Variants in STXBP6 observed in about 807,000 individuals in gnomAD.
STXBP6 encodes syntaxin binding protein 6, also known as syntaxin-binding protein 6.
A neutral mutation model predicts 26.9 loss-of-function variants in STXBP6; 21 were observed. The observed-to-expected ratio is 0.78, with a 90% CI of 0.55 to 1.12. The LOEUF is 1.12. STXBP6 is among the 50% of genes most tolerant of loss of function. The pLI is 0.00. For missense variants in STXBP6, 232 were observed against 257.9 expected, an observed-to-expected ratio of 0.90 and a Z score of 0.69; for synonymous variants, 97 against 92.6, an observed-to-expected ratio of 1.05 and a Z score of -0.27.
At chr14:24,894,125 G>C (rs1004742909) in intron 2 of STXBP6, among the ~76,000 whole-genome samples, 2 of 152,150 alleles carry the variant, frequency 1.3e-5, no homozygotes, top group Admixed American at 1.3e-4. Flanking sequence ...AATTCAGCTT[G>C]CATTTTAGAA....
chr14:24,898,713 G>A (rs2071092489), intron 2 of STXBP6, among the ~76,000 whole-genome samples: 1 of 152,052 alleles, frequency 6.6e-6, no homozygotes, highest in South Asian at 2.1e-4. Context: ...GAAATGGCAA[G>A]GGATTTAGGT....
chr14:24,898,977 T>C (rs1190135603), intron 2 of STXBP6, among the ~76,000 whole-genome samples: 1 of 152,126 alleles, frequency 6.6e-6, no homozygotes, highest in African/African-American at 2.4e-5. Context: ...CCATTGCTGA[T>C]CAGCTTGGCC....
chr14:24,954,759 A>C (rs2073285420), intron 2 of STXBP6, among the ~76,000 whole-genome samples: 1 of 152,230 alleles, frequency 6.6e-6, no homozygotes, highest in Non-Finnish European at 1.5e-5. Context: ...AATTAGCAAC[A>C]GTCCCCCCTT....
At chr14:24,834,340 G>C (rs1202584365) in intron 4 of STXBP6, among the ~76,000 whole-genome samples, 1 of 152,040 alleles carries the variant, frequency 6.6e-6, no homozygotes, top group Non-Finnish European at 1.5e-5. Context: ...CAACTTACAG[G>C]TTCAAATTTT....
intron 1 of STXBP6, among the ~76,000 whole-genome samples, chr14:24,994,442 T>A (rs918952376): frequency 2.6e-5 from 4 of 152,172 alleles, no homozygotes; most frequent in African/African-American, 9.7e-5. Flanking sequence ...CAAACCACTC[T>A]GAATTTCCTT....
rs917859338 is a variant in STXBP6 at position 24,987,070 on chromosome 14, GA to G, written c.-32-12221del. Among the ~76,000 whole-genome samples the G allele has an allele frequency of 4.0e-5, 6 of 150,912 alleles. No homozygotes were observed. In the East Asian group the frequency reaches 5.8e-4, roughly 15 times the overall value. ...TAGCTGTGCAGTGTTTGATAGGAAG[GA>G]AAAAAAAATCTATCAATTGAATACT... On this transcript the variant is annotated intron_variant, in intron 1 of 5. Coordinates refer to ENST00000323944, the MANE Select transcript of STXBP6 (RefSeq NM_001394410.1).
At chr14:24,947,394 G>A (rs1439288174) in intron 2 of STXBP6, among the ~76,000 whole-genome samples, 1 of 152,186 alleles carries the variant, frequency 6.6e-6, no homozygotes, top group Non-Finnish European at 1.5e-5. Flanking sequence ...AGACGGCGAT[G>A]GAGAAGTAAA....
chr14:24,897,625 T>C (rs2071045457), intron 2 of STXBP6, among the ~76,000 whole-genome samples: 1 of 152,116 alleles, frequency 6.6e-6, no homozygotes, highest in African/African-American at 2.4e-5. Context: ...ACAAAATTTC[T>C]GAACTCAGAA....
chr14:24,927,865 C>CT (rs963777034), intron 2 of STXBP6, among the ~76,000 whole-genome samples: 13 of 151,706 alleles, frequency 8.6e-5, no homozygotes, highest in Admixed American at 2.6e-4. Flanking sequence ...AATAAAAACT[C>CT]TTTTTTTTTC....
intron 2 of STXBP6, among the ~76,000 whole-genome samples, chr14:24,901,274 A>G (rs1438510797): frequency 6.6e-6 from 1 of 152,132 alleles, no homozygotes; most frequent in Non-Finnish European, 1.5e-5. Flanking sequence ...CGATCATTTT[A>G]GACAAACACT....
chr14:24,909,933 T>C (rs1337360767), intron 2 of STXBP6, among the ~76,000 whole-genome samples: 1 of 151,852 alleles, frequency 6.6e-6, no homozygotes, highest in African/African-American at 2.4e-5. Flanking sequence ...AGTATGACCT[T>C]GAGTGAGTCA....
intron 2 of STXBP6, among the ~76,000 whole-genome samples, chr14:24,862,101 G>A (rs2069560163): frequency 1.3e-5 from 2 of 152,134 alleles, no homozygotes; most frequent in African/African-American, 4.8e-5. Context: ...GGGCTCAAGC[G>A]ATCCTCCCTC....
At chr14:24,916,781 A>C (rs1001989824) in intron 2 of STXBP6, among the ~76,000 whole-genome samples, 8 of 152,044 alleles carry the variant, frequency 5.3e-5, no homozygotes, top group African/African-American at 1.2e-4. Flanking sequence ...GAAATGTGGA[A>C]TCTCAGGCTT....
rs1454411339 is a variant in STXBP6 at position 24,809,832 on chromosome 14, G to A, written c.*2877C>T. The A allele has an allele frequency of 6.6e-6, 1 of 152,254 alleles. No individual in the cohort carries two copies. The highest frequency in any genetic ancestry group is 1.9e-4 in the East Asian group (1 of 5,184). 9.4% of individuals were successfully genotyped at this position (152,254 alleles called of 1,614,324 possible). On this transcript the variant is annotated 3_prime_UTR_variant, in exon 6 of 6. Transcript: ENST00000323944. Reference sequence around the variant, plus strand: ...AGTGTCACAATTTCTAAAATTAAGAGCTAAACCTATCTTTAATGCCCCTTA... The same window carrying A: ...AGTGTCACAATTTCTAAAATTAAGAACTAAACCTATCTTTAATGCCCCTTA...
intron 4 of STXBP6, among the ~76,000 whole-genome samples, chr14:24,839,835 T>C (rs953684984): frequency 6.6e-6 from 1 of 152,148 alleles, no homozygotes; most frequent in Non-Finnish European, 1.5e-5. Flanking sequence ...ATAAAAGATG[T>C]AGGATTTGAA....
chr14:24,960,448 A>C (rs2073494227), intron 2 of STXBP6, among the ~76,000 whole-genome samples: 1 of 152,206 alleles, frequency 6.6e-6, no homozygotes, highest in Non-Finnish European at 1.5e-5. Flanking sequence ...CTATTCTACT[A>C]TATTATGGTA....
chr14:24,856,269 C>A (rs756535591), intron 3 of STXBP6, among the ~76,000 whole-genome samples, 168 bp from the exon 4 acceptor site: 4 of 152,050 alleles, frequency 2.6e-5, no homozygotes, highest in Non-Finnish European at 4.4e-5. Context: ...GTTTATGAAG[C>A]AAACCCCAAA....
rs575772705 is a variant in STXBP6, at chr14:24,997,680, T to C, written c.-32-22830A>G. Among the ~76,000 whole-genome samples the C allele has an allele frequency of 1.5e-4, 23 of 152,326 alleles. No homozygotes were observed. The South Asian group carries it at 2.5e-3, about 16-fold the overall frequency. On this transcript the variant is annotated intron_variant, in intron 1 of 5. Transcript: ENST00000323944. The stretch of plus-strand genomic sequence containing the variant: ...TTTGGTTATATAAGCAATACAAAAA[T>C]GCACAAAGTAGAAAATAAAAGGCTG...
At chr14:24,857,235 G>A in intron 2 of STXBP6, 78 bp from the exon 3 acceptor site, 1 of 1,577,962 alleles carries the variant, frequency 6.3e-7, no homozygotes. Context: ...GTTTCTACAG[G>A]ACACCTACTG....
Sources: gnomAD v4.1 joint callset for allele counts (sites outside exome capture counted in the v4.1 genomes callset) on GRCh38, gnomAD v4.1.1 for gene constraint, MANE v1.5 for transcripts, NCBI Gene and HGNC (gene_info 2026-07-23, HGNC 2026-07-21) for gene names.